The following PDE8A variants were observed in gnomAD, a reference collection of about 807,000 sequenced individuals.
The protein encoded by PDE8A is phosphodiesterase 8A, also known as high affinity cAMP-specific and IBMX-insensitive 3',5'-cyclic phosphodiesterase 8A.
PDE8A carries 59 observed loss-of-function variants against 105.0 expected under a neutral mutation model. The observed-to-expected ratio is 0.56, with a 90% CI of 0.46 to 0.70. PDE8A has a LOEUF of 0.70. PDE8A is among the 30% of genes least tolerant of loss of function. The pLI is 0.00. For synonymous variants in PDE8A, 355 were observed against 371.9 expected, an observed-to-expected ratio of 0.95 and a Z score of 0.52; for missense variants, 1,014 against 1,045.9, an observed-to-expected ratio of 0.97 and a Z score of 0.42.
At chr15:84,986,630 T>A (rs199765883) in intron 1 of PDE8A, among the ~76,000 whole-genome samples, 1 of 142,054 alleles carries the variant, frequency 7.0e-6, no homozygotes, top group Admixed American at 7.1e-5. Context: ...TTTTTTTTTT[T>A]AAGACAGCGT....
chr15:85,040,889 G>A (rs955309858), intron 1 of PDE8A, among the ~76,000 whole-genome samples: 4 of 152,046 alleles, frequency 2.6e-5, no homozygotes, highest in Non-Finnish European at 5.9e-5. Context: ...TATGTAAATG[G>A]TATTGTATTG....
chr15:85,090,689 TC>T (rs759323429), intron 7 of PDE8A: 2 of 421,106 alleles, frequency 4.7e-6, no homozygotes, highest in Admixed American at 2.6e-5. Flanking sequence ...TATTCCATCA[TC>T]CCCCCACCCC....
chr15:85,099,590 T>G (rs932335905), intron 9 of PDE8A, among the ~76,000 whole-genome samples: 1 of 152,174 alleles, frequency 6.6e-6, no homozygotes, highest in Admixed American at 6.5e-5. Flanking sequence ...CCACGTTCAG[T>G]GTGAACCTCA....
chr15:85,045,230 G>C (rs1348681313), intron 1 of PDE8A, among the ~76,000 whole-genome samples: 2 of 152,208 alleles, frequency 1.3e-5, no homozygotes, highest in Non-Finnish European at 2.9e-5. Context: ...GATATTGTCT[G>C]TCTTGCTGTC....
chr15:85,131,901 C>CAT (rs1229235989), intron 20 of PDE8A, among the ~76,000 whole-genome samples: 1 of 152,178 alleles, frequency 6.6e-6, no homozygotes, highest in Non-Finnish European at 1.5e-5. Context: ...TTTAGCACTT[C>CAT]ATATATATAA....
chr15:85,105,744 T>C (rs2081938491), intron 11 of PDE8A, among the ~76,000 whole-genome samples: 1 of 152,208 alleles, frequency 6.6e-6, no homozygotes, highest in Non-Finnish European at 1.5e-5. Flanking sequence ...GAGGCCTAGT[T>C]AGTGTTCTCT....
At position 85,107,067 on chromosome 15, in the gene PDE8A, G is replaced by A. The variant is rs373342898; in HGVS notation, c.1037-1986G>A. On this transcript the variant is annotated intron_variant, in intron 11 of 21. Transcript: ENST00000394553. ...GGCAAGAAGGCAAGACAATAAAGCA[G>A]GCTGTTACCCAGCACTGTTGGGGTG... Among the ~76,000 whole-genome samples the A allele has an allele frequency of 1.5e-4, 23 of 152,300 alleles. No individual in the cohort carries two copies. The East Asian group carries it at 4.3e-3, about 28-fold the overall frequency.
chr15:85,046,065 C>CTTTTTTTTTTTTTTTCTTTTTTTTTTTT (rs2080882195), intron 1 of PDE8A, among the ~76,000 whole-genome samples: 1 of 124,448 alleles, frequency 8.0e-6, no homozygotes, highest in Non-Finnish European at 1.7e-5. Flanking sequence ...CTTTCTGTTT[C>CTTTTTTTTTTTTTTTCTTTTTTTTTTTT]TTTTTTTTTT....
At chr15:85,133,424 G>C (rs1444412063) in intron 20 of PDE8A, among the ~76,000 whole-genome samples, 3 of 152,298 alleles carry the variant, frequency 2.0e-5, no homozygotes, top group Admixed American at 6.5e-5. Flanking sequence ...TCCGGTTCAA[G>C]GGACACAGCT....
chr15:85,113,237 T>G, intron 12 of PDE8A, 140 bp from the exon 13 acceptor site: 1 of 731,930 alleles, frequency 1.4e-6, no homozygotes, highest in Non-Finnish European at 2.5e-6. Context: ...ACCCCAGGCT[T>G]GTTAGGATGG....
At chr15:85,003,213 C>T (rs1408163148) in intron 1 of PDE8A, among the ~76,000 whole-genome samples, 1 of 152,136 alleles carries the variant, frequency 6.6e-6, no homozygotes, top group South Asian at 2.1e-4. Flanking sequence ...CAAATGAAAC[C>T]AGGACTTTTT....
At chr15:84,993,558 T>C (rs1486581104) in intron 1 of PDE8A, among the ~76,000 whole-genome samples, 1 of 151,784 alleles carries the variant, frequency 6.6e-6, no homozygotes, top group Non-Finnish European at 1.5e-5. Context: ...TCCATCCATG[T>C]AGATTGCTTT....
chr15:85,131,864 G>C (rs1035751810), intron 20 of PDE8A, among the ~76,000 whole-genome samples: 2 of 152,114 alleles, frequency 1.3e-5, no homozygotes, highest in Non-Finnish European at 2.9e-5. Context: ...GCCTGAATCA[G>C]AATTTTCAGT....
chr15:85,052,212 C>G (rs2080987144), intron 1 of PDE8A, among the ~76,000 whole-genome samples: 1 of 152,184 alleles, frequency 6.6e-6, no homozygotes, highest in Non-Finnish European at 1.5e-5. Context: ...TTGCTTAATC[C>G]AGTCTATCAT....
At chr15:85,039,068 C>T (rs2080756752) in intron 1 of PDE8A, among the ~76,000 whole-genome samples, 1 of 151,558 alleles carries the variant, frequency 6.6e-6, no homozygotes, top group East Asian at 1.9e-4. Context: ...TTGCAGTGAG[C>T]CGAGATTGTG....
intron 1 of PDE8A, among the ~76,000 whole-genome samples, chr15:85,040,218 G>A (rs961279500): frequency 6.6e-6 from 1 of 151,948 alleles, no homozygotes; most frequent in Non-Finnish European, 1.5e-5. Context: ...TGAGGCAGGA[G>A]GATCACTTGA....
chr15:85,081,289 C>T (rs2081462467), intron 5 of PDE8A, among the ~76,000 whole-genome samples: 1 of 152,152 alleles, frequency 6.6e-6, no homozygotes, highest in South Asian at 2.1e-4. Flanking sequence ...TGGATTTGGC[C>T]ATTGAGTCGG....
chr15:85,011,950 C>T (rs1179100916), intron 1 of PDE8A, among the ~76,000 whole-genome samples: 1 of 152,180 alleles, frequency 6.6e-6, no homozygotes, highest in African/African-American at 2.4e-5. Context: ...TGAAAAAATG[C>T]TCACCATCAC....
chr15:85,085,348 C>T (rs2081534109), intron 6 of PDE8A, among the ~76,000 whole-genome samples: 1 of 152,164 alleles, frequency 6.6e-6, no homozygotes, highest in African/African-American at 2.4e-5. Flanking sequence ...TACTAAAATG[C>T]ACTAAAAAGC....
Sources: gnomAD v4.1 joint callset for allele counts (sites outside exome capture counted in the v4.1 genomes callset) on GRCh38, gnomAD v4.1.1 for gene constraint, MANE v1.5 for transcripts, NCBI Gene and HGNC (gene_info 2026-07-23, HGNC 2026-07-21) for gene names.